RORA: variants seen among roughly 807,000 people sequenced by gnomAD.
RORA encodes nuclear receptor ROR-alpha.
Under a neutral mutation model 69.5 loss-of-function variants are expected in RORA, and 7 were observed. The observed-to-expected ratio is 0.10, with a 90% CI of 0.06 to 0.19. The LOEUF is 0.19. RORA is among the 10% of genes least tolerant of loss of function. The pLI is 1.00. For synonymous variants in RORA, 261 were observed against 240.8 expected (o/e 1.08, Z -0.78); for missense variants, 457 against 663.0 (o/e 0.69, Z 3.41).
chr15:60,501,064 C>T lies in RORA; in HGVS notation c.1189G>A (p.Glu397Lys). 1 of 1,563,710 alleles carries T rather than the reference C, an allele frequency of 6.4e-7. No homozygotes were observed. The highest frequency in any genetic ancestry group is 8.8e-7 in the Non-Finnish European group (1 of 1,136,510). The change falls in exon 9 of 11, where the codon GAA (glutamate) becomes AAA (lysine). Residue 397 changes from glutamate to lysine, a missense_variant. Glu to Lys is a moderately conservative substitution (Grantham distance 56). Coordinates refer to ENST00000335670, the MANE Select transcript of RORA (RefSeq NM_134261.3). ...TCAAACACAAAGCTAATAAAGTCTT[C>T]ACAACCTGCCAAAATGAAAACAAAG... is the stretch of plus-strand genomic sequence containing the variant. The part of the protein sequence containing the change: ...SPDVFKSLGC[E>K]DFISFVFEFG...
intron 2 of RORA, among the ~76,000 whole-genome samples, chr15:60,662,650 A>AT (rs58816134): frequency 0.99 from 150,076 of 151,436 alleles, 74,378 homozygotes; most frequent in Non-Finnish European, 1. Flanking sequence ...AGAAAAAAAC[A>AT]TTTTTTTTTC....
intron 1 of RORA, among the ~76,000 whole-genome samples, chr15:60,925,193 G>A (rs1025118235): frequency 6.6e-6 from 1 of 152,032 alleles, no homozygotes; most frequent in Non-Finnish European, 1.5e-5. Flanking sequence ...CCTGACAGGC[G>A]GACCCTTGCT....
intron 1 of RORA, among the ~76,000 whole-genome samples, chr15:61,081,807 CAAAAA>C (rs59591650): frequency 9.5e-6 from 1 of 105,688 alleles, no homozygotes; most frequent in Admixed American, 1.0e-4. Flanking sequence ...GACTCTGTCT[CAAAAA>C]AAAAAAAAAA....
intron 2 of RORA, among the ~76,000 whole-genome samples, chr15:60,598,283 C>T (rs1047219148): frequency 6.6e-6 from 1 of 152,160 alleles, no homozygotes; most frequent in Non-Finnish European, 1.5e-5. Flanking sequence ...TTTTGCTGAG[C>T]GTTCTACAAT....
At chr15:61,059,152 C>T (rs1023678449) in intron 1 of RORA, among the ~76,000 whole-genome samples, 1 of 152,186 alleles carries the variant, frequency 6.6e-6, no homozygotes, top group African/African-American at 2.4e-5. Context: ...GCTCTGAAGA[C>T]AGATTATAGT....
intron 1 of RORA, among the ~76,000 whole-genome samples, chr15:60,758,288 T>C (rs967522422): frequency 2.6e-5 from 4 of 152,138 alleles, no homozygotes; most frequent in Non-Finnish European, 5.9e-5. Context: ...GCTTGCTAGG[T>C]ATAAAAGGGA....
chr15:61,000,638 G>A (rs576587057), intron 1 of RORA, among the ~76,000 whole-genome samples: 54 of 152,346 alleles, frequency 3.5e-4, no homozygotes, highest in African/African-American at 1.2e-3. Flanking sequence ...CCTGGTGAGT[G>A]AAGGTTAGTG....
intron 1 of RORA, among the ~76,000 whole-genome samples, chr15:60,874,292 A>AT (rs960345259): frequency 2.0e-5 from 3 of 152,062 alleles, no homozygotes; most frequent in African/African-American, 7.2e-5. Context: ...GTTTTATCTT[A>AT]TTTTTTTCAA....
At chr15:60,797,902 C>T (rs773758085) in intron 1 of RORA, among the ~76,000 whole-genome samples, 27 of 152,170 alleles carry the variant, frequency 1.8e-4, no homozygotes, top group Non-Finnish European at 2.8e-4. Context: ...AGTCTTTTCC[C>T]AGGAGTTAGG....
At chr15:60,556,107 A>C (rs1310282117) in intron 2 of RORA, among the ~76,000 whole-genome samples, 1 of 150,604 alleles carries the variant, frequency 6.6e-6, no homozygotes, top group Non-Finnish European at 1.5e-5. Flanking sequence ...CCAATGAAGC[A>C]CAGACAGCAG....
At chr15:60,879,290 G>C (rs181885865) in intron 1 of RORA, among the ~76,000 whole-genome samples, 3,301 of 149,900 alleles carry the variant, frequency 0.022, 109 homozygotes, top group African/African-American at 0.076. Context: ...CCTTGGAGAA[G>C]TTTTTTTTTT....
At chr15:61,101,063 G>A (rs2078871660) in intron 1 of RORA, among the ~76,000 whole-genome samples, 1 of 152,216 alleles carries the variant, frequency 6.6e-6, no homozygotes, top group Admixed American at 6.5e-5. Flanking sequence ...GATGCTTGTA[G>A]AGAGAACAAA....
chr15:60,659,349 G>A (rs2070268886), intron 2 of RORA, among the ~76,000 whole-genome samples: 1 of 152,144 alleles, frequency 6.6e-6, no homozygotes, highest in African/African-American at 2.4e-5. Context: ...ACATTACACT[G>A]CCCTGAGAAA....
chr15:60,701,745 G>A (rs2070984980), intron 1 of RORA, among the ~76,000 whole-genome samples: 1 of 152,244 alleles, frequency 6.6e-6, no homozygotes, highest in South Asian at 2.1e-4. Flanking sequence ...GAGAGGAACG[G>A]TGCTCCTCTC....
At chr15:60,886,210 A>G (rs2073748405) in intron 1 of RORA, among the ~76,000 whole-genome samples, 1 of 152,166 alleles carries the variant, frequency 6.6e-6, no homozygotes, top group Admixed American at 6.5e-5. Flanking sequence ...AGATGATCTA[A>G]ACACCCATAA....
At chr15:60,757,854 A>G (rs2071825161) in intron 1 of RORA, among the ~76,000 whole-genome samples, 1 of 151,688 alleles carries the variant, frequency 6.6e-6, no homozygotes, top group Non-Finnish European at 1.5e-5. Flanking sequence ...CTTCCTTTTC[A>G]CACTCTCACT....
At chr15:60,941,305 G>A (rs1446146816) in intron 1 of RORA, among the ~76,000 whole-genome samples, 1 of 152,196 alleles carries the variant, frequency 6.6e-6, no homozygotes, top group Non-Finnish European at 1.5e-5. Context: ...GAAGTGGAAG[G>A]GTTGGATGAA....
intron 1 of RORA, among the ~76,000 whole-genome samples, chr15:60,910,409 A>G (rs1891671114): frequency 6.6e-6 from 1 of 152,248 alleles, no homozygotes; most frequent in Admixed American, 6.5e-5. Context: ...GCCATCAGAT[A>G]GTAATAGCCA....
At position 60,749,878 on chromosome 15, in the gene RORA, A is replaced by G. The variant is rs2071699825; in HGVS notation, c.167-71192T>C. Among the ~76,000 whole-genome samples the G allele has an allele frequency of 2.6e-5, 4 of 152,110 alleles. No individual in the cohort carries two copies. The South Asian group carries it at 8.3e-4, about 32-fold the overall frequency. On this transcript the variant is annotated intron_variant, in intron 1 of 10. Coordinates refer to ENST00000335670, the MANE Select transcript of RORA (RefSeq NM_134261.3). ...CCCCGTCTCTACTACAAATTACAAA[A>G]AATTAGTCTGACGTGGTAGTGTGCG...
Sources: allele counts gnomAD v4.1 joint callset (sites outside exome capture counted in the v4.1 genomes callset), GRCh38; gene constraint gnomAD v4.1.1; transcripts MANE v1.5; gene names NCBI Gene and HGNC (gene_info 2026-07-23, HGNC 2026-07-21).